The following SERINC5 variants were observed in gnomAD, a reference collection of about 807,000 sequenced individuals.
SERINC5 encodes the protein serine incorporator 5.
A neutral mutation model predicts 63.1 loss-of-function variants in SERINC5; 41 were observed. That is an observed-to-expected ratio of 0.65 (90% CI 0.51 to 0.84). SERINC5 has a LOEUF of 0.84. SERINC5 is among the 40% of genes least tolerant of loss of function. SERINC5 has a pLI of 0.00. For synonymous variants in SERINC5, 222 were observed against 215.2 expected (o/e 1.03, Z -0.28); for missense variants, 523 against 573.0 (o/e 0.91, Z 0.89).
At chr5:80,216,406 G>A (rs1449854306) in intron 1 of SERINC5, among the ~76,000 whole-genome samples, 1 of 152,214 alleles carries the variant, frequency 6.6e-6, no homozygotes, top group East Asian at 1.9e-4. Flanking sequence ...GTCAGACTGT[G>A]GGGTTCACCA....
rs1747874757 is a variant in SERINC5, at chr5:80,174,369, A to AAAAAAT, written c.551+584_551+585insATTTTT. Among the ~76,000 whole-genome samples the AAAAAAT allele has an allele frequency of 4.6e-5, 6 of 131,708 alleles. No homozygotes were observed. The South Asian group carries it at 1.6e-3, about 34-fold the overall frequency. The allele number at this position is 131,708 out of a possible 152,430, so 86.4% of individuals were successfully genotyped here. ...ATGACAAAGTGGGATCCCATCTCAAAAATAATAATAATAATAATAATAATA... is the reference window on the plus strand; with the variant it reads ...ATGACAAAGTGGGATCCCATCTCAAAAAAAATAATAATAATAATAATAATAATAATA... On this transcript the variant is annotated intron_variant, in intron 5 of 11. Coordinates refer to ENST00000507668, the MANE Select transcript of SERINC5 (RefSeq NM_001174072.3).
Position 80,141,180 on chromosome 5 carries a change from G to A in SERINC5, c.*2483C>T, listed in dbSNP as rs769392293. Reference sequence around the variant, plus strand: ...ATCTGTTTTGTTCATCCAGATACACGTGCTAACATTTTCAGCTGAGAATAA... The same window carrying A: ...ATCTGTTTTGTTCATCCAGATACACATGCTAACATTTTCAGCTGAGAATAA... On this transcript the variant is annotated 3_prime_UTR_variant, in exon 12 of 12. Transcript: ENST00000507668. 25 of 985,242 alleles carry A rather than the reference G, an allele frequency of 2.5e-5. No individual in the cohort carries two copies. In the South Asian group the frequency reaches 8.0e-4, roughly 31 times the overall value. 61.0% of individuals were successfully genotyped at this position (985,242 alleles called of 1,614,324 possible).
intron 1 of SERINC5, among the ~76,000 whole-genome samples, chr5:80,209,476 A>C (rs1173909909): frequency 6.6e-6 from 1 of 152,126 alleles, no homozygotes; most frequent in Non-Finnish European, 1.5e-5. Flanking sequence ...TGAGAAGCTG[A>C]ATTTCTGTTG....
chr5:80,190,106 CTTTTT>C (rs11422784), intron 2 of SERINC5, among the ~76,000 whole-genome samples: 5 of 93,208 alleles, frequency 5.4e-5, no homozygotes, highest in African/African-American at 8.9e-5. Flanking sequence ...GTCTCCCGTA[CTTTTT>C]TTTTTTTTTT....
intron 7 of SERINC5, among the ~76,000 whole-genome samples, chr5:80,164,141 A>G (rs1362756197): frequency 6.6e-6 from 1 of 152,038 alleles, no homozygotes; most frequent in Non-Finnish European, 1.5e-5. Flanking sequence ...AAGTATATGG[A>G]AGTTCATAAT....
chr5:80,212,971 A>G, intron 1 of SERINC5, among the ~76,000 whole-genome samples: 1 of 152,190 alleles, frequency 6.6e-6, no homozygotes, highest in Non-Finnish European at 1.5e-5. Flanking sequence ...TCAGCCAGGC[A>G]CAGTGGTTCA....
At chr5:80,165,669 A>G (rs1490331291) in intron 7 of SERINC5, among the ~76,000 whole-genome samples, 1 of 152,176 alleles carries the variant, frequency 6.6e-6, no homozygotes, top group Admixed American at 6.5e-5. Context: ...TAGCCAGTAA[A>G]TCATGGATCT....
At chr5:80,225,113 G>C (rs1294320793) in intron 1 of SERINC5, among the ~76,000 whole-genome samples, 1 of 152,006 alleles carries the variant, frequency 6.6e-6, no homozygotes, top group Non-Finnish European at 1.5e-5. Context: ...GCTAACATTT[G>C]TATTTTTAGT....
At chr5:80,213,549 C>T (rs972747435) in intron 1 of SERINC5, among the ~76,000 whole-genome samples, 3 of 152,160 alleles carry the variant, frequency 2.0e-5, no homozygotes, top group Admixed American at 6.5e-5. Context: ...TGGCTTCAAA[C>T]CTCGGTTTCC....
At chr5:80,254,577 T>C (rs1752565179) in intron 1 of SERINC5, among the ~76,000 whole-genome samples, 1 of 152,172 alleles carries the variant, frequency 6.6e-6, no homozygotes, top group Admixed American at 6.5e-5. Context: ...TCGCATCATA[T>C]TGGAGAAAAA....
intron 1 of SERINC5, among the ~76,000 whole-genome samples, chr5:80,206,600 C>T (rs1224629845): frequency 3.3e-5 from 5 of 152,190 alleles, no homozygotes; most frequent in Non-Finnish European, 1.5e-5. Context: ...GGTATCCTAA[C>T]ATTACTGCAT....
intron 2 of SERINC5, among the ~76,000 whole-genome samples, chr5:80,201,769 C>G (rs972591373): frequency 6.6e-6 from 1 of 152,168 alleles, no homozygotes; most frequent in African/African-American, 2.4e-5. Context: ...TATACGCTGA[C>G]CAAAGAACGG....
chr5:80,141,174 A>G lies in SERINC5; in HGVS notation c.*2489T>C, dbSNP rs1745483102. On this transcript the variant is annotated 3_prime_UTR_variant, in exon 12 of 12. Coordinates refer to ENST00000507668, the MANE Select transcript of SERINC5 (RefSeq NM_001174072.3). The stretch of plus-strand genomic sequence containing the variant: ...ATCCACATCTGTTTTGTTCATCCAG[A>G]TACACGTGCTAACATTTTCAGCTGA... The G allele has an allele frequency of 1.0e-6, 1 of 985,428 alleles. No individual in the cohort carries two copies. Among genetic ancestry groups the G allele is most frequent in the Non-Finnish European group, 1.2e-6 (1 of 829,936 alleles). The allele number at this position is 985,428 out of a possible 1,614,324, so 61.0% of individuals were successfully genotyped here.
At chr5:80,222,463 A>G (rs1418565801) in intron 1 of SERINC5, among the ~76,000 whole-genome samples, 4 of 150,844 alleles carry the variant, frequency 2.7e-5, no homozygotes, top group Non-Finnish European at 4.5e-5. Context: ...TTTACTTCAT[A>G]ATAACAAAAC....
chr5:80,140,661 A>G lies in SERINC5; in HGVS notation c.*3002T>C. 1.0e-6 allele frequency: 1 copy of G among 985,314 alleles called. No individual in the cohort carries two copies. Among genetic ancestry groups the G allele is most frequent in the East Asian group, 1.1e-4 (1 of 8,812 alleles). The allele number at this position is 985,314 out of a possible 1,614,324, so 61.0% of individuals were successfully genotyped here. Reference sequence around the variant, plus strand: ...GTGGTTGGGTTTCTGAAGGCTTATAATGGAAATAGTCTCTAGTCTCCAGTC... The same window carrying G: ...GTGGTTGGGTTTCTGAAGGCTTATAGTGGAAATAGTCTCTAGTCTCCAGTC... On this transcript the variant is annotated 3_prime_UTR_variant, in exon 12 of 12. Transcript: ENST00000507668.
intron 1 of SERINC5, 60 bp from the exon 2 acceptor site, chr5:80,203,113 T>C (rs1749952683): frequency 5.4e-6 from 8 of 1,484,360 alleles, no homozygotes; most frequent in South Asian, 1.2e-5. Context: ...ATAAGAAACA[T>C]GGCCAGGCAC....
chr5:80,248,834 G>C (rs999858441), intron 1 of SERINC5, among the ~76,000 whole-genome samples: 29 of 152,312 alleles, frequency 1.9e-4, no homozygotes, highest in African/African-American at 7.0e-4. Context: ...ATTGTAAAAA[G>C]AAAAGGTCAA....
intron 9 of SERINC5, 108 bp from the exon 10 acceptor site, chr5:80,147,392 T>C: frequency 8.9e-7 from 1 of 1,128,204 alleles, no homozygotes; most frequent in East Asian, 2.6e-5. Context: ...CTTCAAAAGA[T>C]GTGGACTGTT....
chr5:80,135,727 T>C (rs376484553), downstream of SERINC5, among the ~76,000 whole-genome samples: 38 of 151,692 alleles, frequency 2.5e-4, no homozygotes, highest in East Asian at 5.0e-3. Flanking sequence ...TGTGGCGAGT[T>C]CAAGTGTGAA....
Sources: allele counts gnomAD v4.1 joint callset (sites outside exome capture counted in the v4.1 genomes callset), GRCh38; gene constraint gnomAD v4.1.1; transcripts MANE v1.5; gene names NCBI Gene and HGNC (gene_info 2026-07-23, HGNC 2026-07-21).